Variants in GAS7 observed in about 807,000 individuals in gnomAD.
GAS7 encodes the protein growth arrest specific 7, also known as growth arrest-specific protein 7.
In GAS7, 28 loss-of-function variants were observed where a neutral mutation model predicts 71.1. The ratio of observed to expected loss-of-function variants is 0.39; its 90% CI spans 0.29 to 0.54. The LOEUF (loss-of-function observed/expected upper bound fraction) is 0.54. Ranked by LOEUF, GAS7 falls within the 20% of genes least tolerant of loss-of-function variation. The pLI, the probability that GAS7 is intolerant of heterozygous loss-of-function variation, is 0.62. For synonymous variants in GAS7, 258 were observed against 245.8 expected, an observed-to-expected ratio of 1.05 and a Z score of -0.46; for missense variants, 436 against 627.8, an observed-to-expected ratio of 0.69 and a Z score of 3.27.
intron 2 of GAS7, 126 bp from the exon 3 acceptor site, chr17:9,982,010 A>G (rs2070429875): frequency 1.6e-6 from 1 of 639,216 alleles, no homozygotes; most frequent in Admixed American, 2.4e-5. Context: ...CTCCTCCCCA[A>G]CCCTGGCCAG....
At chr17:10,128,278 G>A (rs2073966998) in intron 1 of GAS7, among the ~76,000 whole-genome samples, 2 of 152,186 alleles carry the variant, frequency 1.3e-5, no homozygotes, top group African/African-American at 4.8e-5. Flanking sequence ...CCTAAATCAA[G>A]GCCAAGAAAC....
chr17:10,036,227 T>C (rs1233960154), intron 1 of GAS7, among the ~76,000 whole-genome samples: 1 of 143,564 alleles, frequency 7.0e-6, no homozygotes, highest in Admixed American at 7.0e-5. Context: ...GACCCACGTC[T>C]TTTTTTTTTT....
At chr17:9,983,571 G>C (rs2070521065) in intron 2 of GAS7, among the ~76,000 whole-genome samples, 1 of 151,842 alleles carries the variant, frequency 6.6e-6, no homozygotes. Flanking sequence ...TGGATCACTT[G>C]AGGTCAGGGG....
chr17:10,165,322 GAA>G (rs1164228670), intron 1 of GAS7, among the ~76,000 whole-genome samples: 1 of 141,650 alleles, frequency 7.1e-6, no homozygotes, highest in Non-Finnish European at 1.5e-5. Context: ...GAAAACAAAA[GAA>G]AAGTTTAACT....
At chr17:10,010,317 A>G (rs2071719313) in intron 2 of GAS7, among the ~76,000 whole-genome samples, 1 of 151,792 alleles carries the variant, frequency 6.6e-6, no homozygotes, top group Admixed American at 6.6e-5. Context: ...CGCCGGGCTA[A>G]ATTTTTGTGT....
At chr17:9,922,866 A>C (rs780788926) in intron 11 of GAS7, among the ~76,000 whole-genome samples, 1 of 152,304 alleles carries the variant, frequency 6.6e-6, no homozygotes, top group East Asian at 1.9e-4. Flanking sequence ...AGGAAAAATA[A>C]ATGTCTGGTG....
intron 9 of GAS7, among the ~76,000 whole-genome samples, chr17:9,931,331 G>A (rs1045282383): frequency 2.0e-5 from 3 of 152,148 alleles, no homozygotes; most frequent in Non-Finnish European, 2.9e-5. Context: ...CTACCACGTC[G>A]GAGAGAGTTT....
At chr17:10,054,090 C>T (rs529502190) in intron 1 of GAS7, among the ~76,000 whole-genome samples, 56 of 152,198 alleles carry the variant, frequency 3.7e-4, no homozygotes, top group African/African-American at 1.2e-3. Context: ...TGTTCTAAAT[C>T]GACCTCTGGA....
At chr17:9,998,070 C>T (rs1198176365) in intron 2 of GAS7, among the ~76,000 whole-genome samples, 1 of 152,184 alleles carries the variant, frequency 6.6e-6, no homozygotes, top group Non-Finnish European at 1.5e-5. Flanking sequence ...TTTCCTCTCC[C>T]CAGAGGTTTG....
intron 6 of GAS7, among the ~76,000 whole-genome samples, chr17:9,945,063 G>A (rs1246865281): frequency 2.6e-5 from 4 of 151,984 alleles, no homozygotes; most frequent in South Asian, 2.1e-4. Context: ...GGATGCAGGC[G>A]GCATCAGACA....
At chr17:9,935,381 C>T (rs1006687409) in intron 8 of GAS7, among the ~76,000 whole-genome samples, 2 of 152,222 alleles carry the variant, frequency 1.3e-5, no homozygotes, top group African/African-American at 4.8e-5. Flanking sequence ...GCTACATTCT[C>T]TATGATTTGG....
chr17:10,012,744 C>T (rs1034223214), intron 2 of GAS7, among the ~76,000 whole-genome samples: 3 of 152,124 alleles, frequency 2.0e-5, no homozygotes, highest in Non-Finnish European at 4.4e-5. Flanking sequence ...CAGTATGAAG[C>T]GGCGGCACTT....
chr17:9,917,383 G>T, intron 13 of GAS7, 42 bp from the exon 14 acceptor site: 1 of 1,352,076 alleles, frequency 7.4e-7, no homozygotes, highest in Non-Finnish European at 1.1e-6. Flanking sequence ...AGAGACGGCG[G>T]CCAAGCCAGG....
intron 1 of GAS7, among the ~76,000 whole-genome samples, chr17:10,042,280 G>A (rs896729304): frequency 1.4e-5 from 2 of 140,558 alleles, no homozygotes; most frequent in Non-Finnish European, 3.0e-5. Flanking sequence ...GGGTGACAGA[G>A]CGAGACTCCG....
chr17:10,002,003 C>G (rs1026746638), intron 2 of GAS7, among the ~76,000 whole-genome samples: 1 of 152,146 alleles, frequency 6.6e-6, no homozygotes, highest in East Asian at 1.9e-4. Context: ...AGATTGCAAC[C>G]TGTTTACAGC....
At chr17:10,063,155 C>G (rs2073238460) in intron 1 of GAS7, among the ~76,000 whole-genome samples, 1 of 152,266 alleles carries the variant, frequency 6.6e-6, no homozygotes, top group Admixed American at 6.5e-5. Flanking sequence ...CCTAGAGGAA[C>G]AGACAGGCAG....
At chr17:10,059,791 T>C in intron 1 of GAS7, 18 of 985,138 alleles carry the variant, frequency 1.8e-5, no homozygotes, top group South Asian at 1.4e-4. Context: ...GCTAATTCAC[T>C]GTGCAAAGCA....
intron 1 of GAS7, among the ~76,000 whole-genome samples, chr17:10,025,860 A>G (rs996883748): frequency 6.6e-6 from 1 of 152,216 alleles, no homozygotes; most frequent in African/African-American, 2.4e-5. Flanking sequence ...CACTTCTGAA[A>G]TGAAAACTGA....
In GAS7 at chr17:10,019,895, C is replaced by T; in HGVS notation, c.186G>A (p.Lys62=). Reference sequence around the variant, plus strand: ...CCGGCGGAGGGGGGACCATTCCAGGCTTCTGTTGGAGAAGAAAGAAAAGGT... The same window carrying T: ...CCGGCGGAGGGGGGACCATTCCAGGTTTCTGTTGGAGAAGAAAGAAAAGGT... ...FPASYVQLLE[K]PGMVPPPPGE... Residue 62 remains lysine, a splice_region_variant and synonymous_variant, in exon 2 of 14, where the codon AAG becomes AAA. Transcript: ENST00000432992. 1.2e-6 allele frequency: 2 copies of T among 1,613,378 alleles called. No individual in the cohort carries two copies. Among genetic ancestry groups the T allele is most frequent in the Non-Finnish European group, 1.7e-6 (2 of 1,179,870 alleles).
Sources: gnomAD v4.1 joint callset for allele counts (sites outside exome capture counted in the v4.1 genomes callset) on GRCh38, gnomAD v4.1.1 for gene constraint, MANE v1.5 for transcripts, NCBI Gene and HGNC (gene_info 2026-07-23, HGNC 2026-07-21) for gene names.